The following GAREM1 variants were observed in gnomAD, a reference collection of about 807,000 sequenced individuals.
GAREM1 encodes the protein GRB2-associated and regulator of MAPK protein 1.
GAREM1 carries 26 observed loss-of-function variants against 71.3 expected under a neutral mutation model. That is an observed-to-expected ratio of 0.36 (90% CI 0.27 to 0.51). GAREM1 has a LOEUF of 0.51. Ranked by LOEUF, GAREM1 falls within the 20% of genes least tolerant of loss-of-function variation. The pLI is 0.95. For missense variants in GAREM1, 1,026 were observed against 1,103.1 expected (o/e 0.93, Z 0.99); for synonymous variants, 440 against 433.2 (o/e 1.02, Z -0.20).
intron 2 of GAREM1, among the ~76,000 whole-genome samples, chr18:32,338,080 A>C (rs1381592510): frequency 6.6e-6 from 1 of 152,196 alleles, no homozygotes; most frequent in Non-Finnish European, 1.5e-5. Context: ...TCAGAGTTTC[A>C]ATACTTACTC....
In GAREM1 at chr18:32,307,166, A is replaced by C. The variant is rs147458583; in HGVS notation, c.393+3027T>G. On this transcript the variant is annotated intron_variant, in intron 3 of 5. Coordinates refer to ENST00000269209, the MANE Select transcript of GAREM1 (RefSeq NM_001242409.2). ...TTACATTCTTATTAAGATTAATTTC[A>C]GTTTGGACTTGTAAATAAATATATC... Among the ~76,000 whole-genome samples the C allele has an allele frequency of 6.6e-3, 1,009 of 152,254 alleles. 9 individuals are homozygous for C. The highest frequency in any genetic ancestry group is 7.7e-3 in the Non-Finnish European group (521 of 68,014).
intron 1 of GAREM1, among the ~76,000 whole-genome samples, chr18:32,414,643 A>C (rs2048451321): frequency 6.6e-6 from 1 of 152,134 alleles, no homozygotes; most frequent in Non-Finnish European, 1.5e-5. Context: ...AGAAATTAAG[A>C]AGAAAATGTA....
intron 1 of GAREM1, among the ~76,000 whole-genome samples, chr18:32,401,670 T>C (rs939851355): frequency 5.9e-5 from 9 of 152,128 alleles, no homozygotes; most frequent in African/African-American, 9.7e-5. Context: ...AAAAGATGGA[T>C]TGGAGAAGAG....
chr18:32,391,623 T>C (rs1024200433), intron 2 of GAREM1, among the ~76,000 whole-genome samples: 5 of 152,070 alleles, frequency 3.3e-5, no homozygotes, highest in Non-Finnish European at 5.9e-5. Context: ...TCACTACTAG[T>C]AGGAACCATT....
chr18:32,275,637 C>T (rs955326851), intron 4 of GAREM1, among the ~76,000 whole-genome samples: 20 of 152,198 alleles, frequency 1.3e-4, no homozygotes, highest in African/African-American at 4.8e-4. Context: ...CCAGCTGCCC[C>T]ACCGCTAGCA....
chr18:32,469,956 T>C (rs1236291253), intron 1 of GAREM1, among the ~76,000 whole-genome samples: 2 of 152,172 alleles, frequency 1.3e-5, no homozygotes, highest in Non-Finnish European at 2.9e-5. Context: ...CTCAAGAAAG[T>C]TGCCTAAGAT....
intron 2 of GAREM1, among the ~76,000 whole-genome samples, chr18:32,375,299 G>A (rs1315364656): frequency 1.3e-5 from 2 of 152,066 alleles, no homozygotes; most frequent in African/African-American, 2.4e-5. Flanking sequence ...TCTCCATAGC[G>A]ACCCTGGAGT....
chr18:32,359,488 G>A (rs902950), intron 2 of GAREM1, among the ~76,000 whole-genome samples: 15,646 of 152,154 alleles, frequency 0.1, 1,435 homozygotes, highest in African/African-American at 0.24. Flanking sequence ...GAGCCAAATG[G>A]ATTATATATC....
chr18:32,308,496 GA>G (rs2047280338), intron 3 of GAREM1, among the ~76,000 whole-genome samples: 1 of 149,548 alleles, frequency 6.7e-6, no homozygotes, highest in Non-Finnish European at 1.5e-5. Context: ...TTCTAGAAAG[GA>G]GTTTAAAACT....
intron 2 of GAREM1, among the ~76,000 whole-genome samples, chr18:32,340,790 A>T (rs997759924): frequency 5.3e-5 from 8 of 152,250 alleles, no homozygotes; most frequent in South Asian, 4.2e-4. Flanking sequence ...CCAGGGCCAT[A>T]AAGTTAGAAA....
At chr18:32,298,681 C>T (rs1398667667) in intron 3 of GAREM1, among the ~76,000 whole-genome samples, 1 of 152,138 alleles carries the variant, frequency 6.6e-6, no homozygotes, top group Non-Finnish European at 1.5e-5. Flanking sequence ...TCTGAAGGTT[C>T]TGGCAATAGG....
intron 2 of GAREM1, among the ~76,000 whole-genome samples, chr18:32,346,813 T>C (rs187163338): frequency 5.5e-4 from 84 of 152,302 alleles, no homozygotes; most frequent in Admixed American, 1.1e-3. Context: ...AAAGAATGTT[T>C]ACAAAGTAGA....
chr18:32,307,247 G>T (rs1258549710), intron 3 of GAREM1, among the ~76,000 whole-genome samples: 1 of 151,706 alleles, frequency 6.6e-6, no homozygotes, highest in African/African-American at 2.4e-5. Flanking sequence ...CATGATGCCA[G>T]GTAACTATCA....
At chr18:32,409,605 T>C (rs1381521283) in intron 1 of GAREM1, among the ~76,000 whole-genome samples, 1 of 152,196 alleles carries the variant, frequency 6.6e-6, no homozygotes, top group Non-Finnish European at 1.5e-5. Context: ...TATTACCTCT[T>C]TTCAAATGAA....
chr18:32,318,800 C>A (rs949330862), intron 2 of GAREM1, among the ~76,000 whole-genome samples: 1 of 152,154 alleles, frequency 6.6e-6, no homozygotes, highest in Non-Finnish European at 1.5e-5. Context: ...TGTGGACCCA[C>A]AACTCAAGTG....
In GAREM1 at chr18:32,460,645, C is replaced by T. The variant is rs528223430; in HGVS notation, c.121+9663G>A. ...CTATTCTAGGAAGATGACAACTGTA[C>T]CAAATTAGCAGTCGTAGTTTTGTAA... On this transcript the variant is annotated intron_variant, in intron 1 of 5. Transcript: ENST00000269209. 5.3e-5 allele frequency among the ~76,000 whole-genome samples: 8 copies of T among 152,272 alleles called. No homozygotes were observed. The South Asian group carries it at 1.7e-3, about 32-fold the overall frequency.
At chr18:32,314,879 G>A (rs570533610) in intron 2 of GAREM1, among the ~76,000 whole-genome samples, 11 of 152,108 alleles carry the variant, frequency 7.2e-5, no homozygotes, top group South Asian at 4.1e-4. Flanking sequence ...GAGCCACCGC[G>A]CCCTGCCAAT....
intron 2 of GAREM1, among the ~76,000 whole-genome samples, chr18:32,390,318 C>T (rs2048183713): frequency 6.6e-6 from 1 of 152,070 alleles, no homozygotes; most frequent in African/African-American, 2.4e-5. Flanking sequence ...AAACACAAAA[C>T]AAAATGATCA....
Position 32,367,126 on chromosome 18 carries a change from A to G in GAREM1, c.262+25769T>C, listed in dbSNP as rs573651424. ...AGGACACTGTACTCTCTTTTAAAAT[A>G]TATCTATATAAATCCTTTCATTTTC... On this transcript the variant is annotated intron_variant, in intron 2 of 5. Transcript: ENST00000269209. 6.3e-4 allele frequency among the ~76,000 whole-genome samples: 96 copies of G among 152,342 alleles called. 3 individuals are homozygous for G. In the South Asian group the frequency reaches 0.019, roughly 30 times the overall value.
Sources: allele counts gnomAD v4.1 joint callset (sites outside exome capture counted in the v4.1 genomes callset), GRCh38; gene constraint gnomAD v4.1.1; transcripts MANE v1.5; gene names NCBI Gene and HGNC (gene_info 2026-07-23, HGNC 2026-07-21).